Variants in RMND5A observed in about 807,000 individuals in gnomAD.
RMND5A encodes the protein required for meiotic nuclear division 5 homolog A, also known as E3 ubiquitin-protein transferase RMND5A.
RMND5A carries 17 observed loss-of-function variants against 49.7 expected under a neutral mutation model. The observed-to-expected ratio is 0.34, with a 90% CI of 0.23 to 0.51. RMND5A has a LOEUF of 0.51. RMND5A is among the 20% of genes least tolerant of loss of function. The pLI, the probability that RMND5A is intolerant of heterozygous loss-of-function variation, is 0.96. For synonymous variants in RMND5A, 156 were observed against 167.7 expected, an observed-to-expected ratio of 0.93 and a Z score of 0.54; for missense variants, 255 against 471.3, an observed-to-expected ratio of 0.54 and a Z score of 4.25.
intron 4 of RMND5A, among the ~76,000 whole-genome samples, chr2:86,762,113 T>C (rs902771376): frequency 6.6e-6 from 1 of 152,176 alleles, no homozygotes; most frequent in African/African-American, 2.4e-5. Flanking sequence ...AATTAATACA[T>C]GTTCATTACA....
chr2:86,749,794 T>C (rs1254994267), intron 2 of RMND5A, among the ~76,000 whole-genome samples: 1 of 152,214 alleles, frequency 6.6e-6, no homozygotes, highest in Non-Finnish European at 1.5e-5. Context: ...TTTGTGTTTG[T>C]TTTGTCTTGA....
intron 2 of RMND5A, among the ~76,000 whole-genome samples, chr2:86,749,403 T>A (rs1348714552): frequency 6.6e-6 from 1 of 152,092 alleles, no homozygotes; most frequent in African/African-American, 2.4e-5. Context: ...TTTCTTTTTT[T>A]TTTTGAGATG....
chr2:86,770,635 T>A (rs1215565900), intron 7 of RMND5A, among the ~76,000 whole-genome samples: 2 of 152,178 alleles, frequency 1.3e-5, no homozygotes, highest in Non-Finnish European at 2.9e-5. Flanking sequence ...GACCATGGTT[T>A]TAAACATCAG....
rs371136479 is a variant in RMND5A at position 86,765,466 on chromosome 2, C to A, written c.688+273C>A. 3.6e-5 allele frequency: 13 copies of A among 363,922 alleles called. No homozygotes were observed. In the East Asian group the frequency reaches 4.7e-4, roughly 13 times the overall value. 22.5% of individuals were successfully genotyped at this position (363,922 alleles called of 1,614,324 possible). On this transcript the variant is annotated intron_variant, in intron 5 of 8. Transcript: ENST00000283632. ...TGCACTTGCTCTTTTCCACCCCCACCTGGCTGTATGCTGCTGCTCTTGCCA... is the reference window on the plus strand; with the variant it reads ...TGCACTTGCTCTTTTCCACCCCCACATGGCTGTATGCTGCTGCTCTTGCCA...
chr2:86,766,137 G>A, intron 6 of RMND5A, 113 bp downstream of exon 6: 3 of 908,940 alleles, frequency 3.3e-6, no homozygotes, highest in Non-Finnish European at 5.0e-6. Context: ...TTCCAAAGAA[G>A]AGTGCAATTG....
At chr2:86,765,326 G>T in intron 5 of RMND5A, 133 bp downstream of exon 5, 1 of 792,858 alleles carries the variant, frequency 1.3e-6, no homozygotes. Flanking sequence ...TACAGGAAAA[G>T]TTCTGACTGG....
chr2:86,732,186 C>G (rs903867158), intron 1 of RMND5A, among the ~76,000 whole-genome samples: 3 of 131,350 alleles, frequency 2.3e-5, no homozygotes, highest in Admixed American at 7.6e-5. Context: ...TTTTATAGAC[C>G]AAATTAGAAC....
At chr2:86,763,465 C>G (rs1672540664) in intron 4 of RMND5A, among the ~76,000 whole-genome samples, 1 of 152,130 alleles carries the variant, frequency 6.6e-6, no homozygotes, top group Non-Finnish European at 1.5e-5. Context: ...GGGGCATTCA[C>G]GAAAGACCAC....
chr2:86,751,745 G>C (rs899269416), intron 2 of RMND5A, 151 bp from the exon 3 acceptor site: 1 of 552,332 alleles, frequency 1.8e-6, no homozygotes, highest in African/African-American at 1.9e-5. Flanking sequence ...TTTTAGAAAG[G>C]AGCAGTGGAA....
rs544947630 is a variant in RMND5A at position 86,766,168 on chromosome 2, A to T, written c.854+144A>T. 3 of 728,088 alleles carry T rather than the reference A, an allele frequency of 4.1e-6. No individual in the cohort carries two copies. The East Asian group carries it at 7.6e-5, about 18-fold the overall frequency. The allele number at this position is 728,088 out of a possible 1,614,324, so 45.1% of individuals were successfully genotyped here. On this transcript the variant is annotated intron_variant, in intron 6 of 8. Transcript: ENST00000283632. ...AATTGGTATTTCAAAAGATATCACAATTGGCAGTGATGCTGTTTTAGAGAA... is the reference window on the plus strand; with the variant it reads ...AATTGGTATTTCAAAAGATATCACATTTGGCAGTGATGCTGTTTTAGAGAA...
At position 86,775,676 on chromosome 2, in the gene RMND5A, C is replaced by T. The variant is rs1382744628; in HGVS notation, c.*2265C>T. The T allele has an allele frequency of 9.2e-5, 14 of 152,200 alleles. No homozygotes were observed. The allele number at this position is 152,200 out of a possible 1,614,324, so 9.4% of individuals were successfully genotyped here. A position where few individuals can be genotyped will look rare whatever the true frequency, so the allele number is the denominator to read the frequency against. ...TTTCTGTGTAAGGCCCGTGTACTCC[C>T]ACTGGGCAGGGTGAGGACCAAAAAT... On this transcript the variant is annotated 3_prime_UTR_variant, in exon 9 of 9. Coordinates refer to ENST00000283632, the MANE Select transcript of RMND5A (RefSeq NM_022780.4).
intron 4 of RMND5A, among the ~76,000 whole-genome samples, chr2:86,758,188 G>A (rs1292947568): frequency 1.3e-5 from 2 of 152,070 alleles, no homozygotes; most frequent in Non-Finnish European, 2.9e-5. Flanking sequence ...ACAGTGAAAA[G>A]TAAATCTCCC....
intron 2 of RMND5A, among the ~76,000 whole-genome samples, chr2:86,747,190 C>T (rs1231707794): frequency 6.6e-6 from 1 of 152,318 alleles, no homozygotes; most frequent in African/African-American, 2.4e-5. Flanking sequence ...TATTATCAGA[C>T]TTCAAATGTT....
chr2:86,755,797 A>G (rs1028071594), intron 4 of RMND5A, among the ~76,000 whole-genome samples: 1 of 152,188 alleles, frequency 6.6e-6, no homozygotes, highest in Admixed American at 6.5e-5. Context: ...GACTTGTTCC[A>G]TAAGTAAAAA....
Position 86,765,166 on chromosome 2 carries a change from C to T in RMND5A, c.661C>T (p.Gln221Ter). ...GGCATTACAATATGCTAAAAATTTT[C>T]AGCCATTTGCCCTAAATCATCAAAA... ...REALQYAKNF[Q>*]PFALNHQKDI... Residue 221 changes from glutamine to a stop codon, truncating the protein, a stop_gained, in exon 5 of 9, where the codon CAG (glutamine) becomes TAG (stop). Coordinates refer to ENST00000283632, the MANE Select transcript of RMND5A (RefSeq NM_022780.4). LOFTEE classifies it high-confidence loss of function. 6.2e-7 allele frequency: 1 copy of T among 1,612,866 alleles called. No individual in the cohort carries two copies. Among genetic ancestry groups the T allele is most frequent in the Non-Finnish European group, 8.5e-7 (1 of 1,179,698 alleles).
rs752306488 is a variant in RMND5A, at chr2:86,765,861, A to G, written c.691A>G (p.Ile231Val). 4 of 1,611,872 alleles carry G rather than the reference A, an allele frequency of 2.5e-6. No homozygotes were observed. Among genetic ancestry groups the G allele is most frequent in the Non-Finnish European group, 1.7e-6 (2 of 1,179,316 alleles). ...QPFALNHQKD[I>V]QVLMGSLVYL... ...TTTCTTGCTGGTGCTTTTTTTAGAC[A>G]TTCAGGTTTTGATGGGAAGCCTTGT... is the stretch of plus-strand genomic sequence containing the variant. The change falls in exon 6 of 9, where the codon ATT becomes GTT. Residue 231 changes from isoleucine to valine, a missense_variant and splice_region_variant. Coordinates refer to ENST00000283632, the MANE Select transcript of RMND5A (RefSeq NM_022780.4).
chr2:86,743,727 T>C (rs1681488925), intron 2 of RMND5A, among the ~76,000 whole-genome samples: 1 of 152,140 alleles, frequency 6.6e-6, no homozygotes, highest in Non-Finnish European at 1.5e-5. Flanking sequence ...GGCTCACACT[T>C]GTAATCCCAG....
intron 2 of RMND5A, among the ~76,000 whole-genome samples, chr2:86,741,892 TTA>T (rs1238895601): frequency 7.2e-6 from 1 of 138,182 alleles, no homozygotes; most frequent in African/African-American, 2.6e-5. Flanking sequence ...CTAAACAGTC[TTA>T]TGAGTTAACT....
At chr2:86,753,322 G>A in intron 3 of RMND5A, 136 bp from the exon 4 acceptor site, 2 of 542,232 alleles carry the variant, frequency 3.7e-6, no homozygotes, top group Non-Finnish European at 6.5e-6. Flanking sequence ...GTACTAGGGG[G>A]CAGTCATCAG....
Sources: gnomAD v4.1 joint callset for allele counts (sites outside exome capture counted in the v4.1 genomes callset) on GRCh38, gnomAD v4.1.1 for gene constraint, MANE v1.5 for transcripts, NCBI Gene and HGNC (gene_info 2026-07-23, HGNC 2026-07-21) for gene names.